MYO3B: variants seen among roughly 807,000 people sequenced by gnomAD.
The protein encoded by MYO3B is myosin IIIB, also known as myosin-IIIb.
MYO3B carries 156 observed loss-of-function variants against 174.6 expected under a neutral mutation model. The observed-to-expected ratio is 0.89, with a 90% CI of 0.78 to 1.02. The LOEUF (loss-of-function observed/expected upper bound fraction) is 1.02, where lower values mean the gene tolerates loss of function less well. Among genes scored for constraint, MYO3B ranks in the 50% least tolerant of loss-of-function variants. The pLI, the probability that MYO3B is intolerant of heterozygous loss-of-function variation, is 0.00. For missense variants in MYO3B, 1,632 were observed against 1,639.4 expected, an observed-to-expected ratio of 1.00 and a Z score of 0.08; for synonymous variants, 563 against 569.1, an observed-to-expected ratio of 0.99 and a Z score of 0.15.
chr2:170,290,888 C>T (rs1160660638), intron 7 of MYO3B, among the ~76,000 whole-genome samples: 1 of 150,842 alleles, frequency 6.6e-6, no homozygotes, highest in African/African-American at 2.4e-5. Context: ...AAAAAAAGAA[C>T]TTGTAGATAT....
chr2:170,316,465 G>T (rs190388220), intron 7 of MYO3B, among the ~76,000 whole-genome samples: 5 of 152,230 alleles, frequency 3.3e-5, no homozygotes, highest in African/African-American at 9.6e-5. Context: ...ATCTGAAAAG[G>T]TCATCTTATC....
At chr2:170,386,699 C>G (rs1383221410) in intron 13 of MYO3B, among the ~76,000 whole-genome samples, 1 of 152,080 alleles carries the variant, frequency 6.6e-6, no homozygotes, top group Non-Finnish European at 1.5e-5. Context: ...TTCAAATAGT[C>G]TAGTAGTTAC....
intron 6 of MYO3B, among the ~76,000 whole-genome samples, chr2:170,221,207 T>C (rs1343822764): frequency 3.9e-5 from 6 of 152,050 alleles, no homozygotes; most frequent in African/African-American, 1.4e-4. Flanking sequence ...AAGTGGTCTT[T>C]AGATTAAATA....
chr2:170,186,905 A>G lies in MYO3B; in HGVS notation c.2+8616A>G, dbSNP rs555274113. On this transcript the variant is annotated intron_variant, in intron 1 of 34. Coordinates refer to ENST00000408978, the MANE Select transcript of MYO3B (RefSeq NM_138995.5). ...TATTCTAGATTTTTCCAATTTATTG[A>G]TATATAGTTACTCATAGTAGCCACT... is the stretch of plus-strand genomic sequence containing the variant. 2.0e-5 allele frequency among the ~76,000 whole-genome samples: 3 copies of G among 151,716 alleles called. No individual in the cohort carries two copies. The South Asian group carries it at 6.2e-4, about 32-fold the overall frequency.
At chr2:170,365,985 T>G (rs933544986) in intron 8 of MYO3B, among the ~76,000 whole-genome samples, 3 of 152,090 alleles carry the variant, frequency 2.0e-5, no homozygotes, top group Non-Finnish European at 4.4e-5. Context: ...AGGCTCTTTG[T>G]TTTGCGTTAA....
intron 23 of MYO3B, 123 bp downstream of exon 23, chr2:170,444,169 G>A: frequency 1.5e-6 from 1 of 658,050 alleles, no homozygotes; most frequent in South Asian, 2.7e-5. Flanking sequence ...GTCTAGTAGA[G>A]AGATTAAAGG....
intron 22 of MYO3B, among the ~76,000 whole-genome samples, chr2:170,433,059 AGTCTCATTCATGTTAT>A (rs2105888918): frequency 6.6e-6 from 1 of 152,256 alleles, no homozygotes; most frequent in African/African-American, 2.4e-5. Flanking sequence ...AGTCCCTGCA[AGTCTCATTCATGTTAT>A]GTGCCCTATA....
At chr2:170,274,876 T>C (rs1279485950) in intron 7 of MYO3B, among the ~76,000 whole-genome samples, 1 of 152,212 alleles carries the variant, frequency 6.6e-6, no homozygotes, top group Non-Finnish European at 1.5e-5. Flanking sequence ...TTAACTTTTT[T>C]TGCATCATTT....
intron 32 of MYO3B, among the ~76,000 whole-genome samples, chr2:170,581,779 T>G (rs1203063624): frequency 6.6e-6 from 1 of 152,166 alleles, no homozygotes; most frequent in African/African-American, 2.4e-5. Context: ...TGATTTATTA[T>G]AAAAGCTAAT....
chr2:170,203,247 A>G (rs10177388), intron 3 of MYO3B, among the ~76,000 whole-genome samples: 152,143 of 152,332 alleles, frequency 1, 75,978 homozygotes, highest in Middle Eastern at 1. Context: ...TGGTAGCTAA[A>G]GCATGAACTA....
intron 7 of MYO3B, among the ~76,000 whole-genome samples, chr2:170,267,007 A>C (rs573238328): frequency 6.6e-6 from 1 of 152,362 alleles, no homozygotes; most frequent in Non-Finnish European, 1.5e-5. Context: ...TAACATCTTG[A>C]TACACATTTT....
chr2:170,301,116 T>C (rs2093662635), intron 7 of MYO3B, among the ~76,000 whole-genome samples: 1 of 152,212 alleles, frequency 6.6e-6, no homozygotes, highest in African/African-American at 2.4e-5. Context: ...GCAATGAGAA[T>C]AATTTCTTTG....
intron 32 of MYO3B, among the ~76,000 whole-genome samples, chr2:170,635,641 C>T (rs963705446): frequency 1.3e-5 from 2 of 152,054 alleles, no homozygotes; most frequent in Non-Finnish European, 2.9e-5. Flanking sequence ...TAACGATCCT[C>T]ACAGTGAGAT....
chr2:170,304,742 C>A (rs1574752318), intron 7 of MYO3B, among the ~76,000 whole-genome samples: 1 of 152,054 alleles, frequency 6.6e-6, no homozygotes, highest in East Asian at 1.9e-4. Flanking sequence ...ACTGGGATTA[C>A]GGACATGAGC....
At chr2:170,183,612 G>A (rs572469157) in intron 1 of MYO3B, among the ~76,000 whole-genome samples, 1 of 152,064 alleles carries the variant, frequency 6.6e-6, no homozygotes, top group African/African-American at 2.4e-5. Flanking sequence ...GATTTTCCAG[G>A]AATAAATCAT....
At chr2:170,475,162 G>A (rs1352759827) in intron 25 of MYO3B, among the ~76,000 whole-genome samples, 1 of 152,146 alleles carries the variant, frequency 6.6e-6, no homozygotes, top group Non-Finnish European at 1.5e-5. Context: ...TCTCACCCAT[G>A]ATGTTCTTGT....
intron 16 of MYO3B, among the ~76,000 whole-genome samples, chr2:170,396,184 G>C (rs1406041304): frequency 2.0e-5 from 3 of 152,210 alleles, no homozygotes; most frequent in Admixed American, 2.0e-4. Flanking sequence ...CAGCAGCGTA[G>C]CAAGATTCTG....
rs926685546 is a variant in MYO3B, at chr2:170,466,617, C to T, written c.2920C>T (p.Leu974=). 1.2e-5 allele frequency: 20 copies of T among 1,614,104 alleles called. No individual in the cohort carries two copies. The highest frequency in any genetic ancestry group is 1.7e-5 in the Non-Finnish European group (20 of 1,180,050). ...EALQFSRERV[L]AQLRSTGILE... ...CCTGCAGTTCTCTCGAGAGAGGGTG[C>T]TGGCCCAGCTCCGCTCCACAGGGAT... Residue 974 remains leucine (L), a synonymous_variant, in exon 25 of 35, where the codon CTG becomes TTG. Transcript: ENST00000408978.
chr2:170,321,940 C>A (rs2093829953), intron 7 of MYO3B, among the ~76,000 whole-genome samples: 1 of 151,800 alleles, frequency 6.6e-6, no homozygotes, highest in Admixed American at 6.6e-5. Flanking sequence ...ACGGTGAAAC[C>A]CCGTATCTAC....
Sources: allele counts gnomAD v4.1 joint callset (sites outside exome capture counted in the v4.1 genomes callset), GRCh38; gene constraint gnomAD v4.1.1; transcripts MANE v1.5; gene names NCBI Gene and HGNC (gene_info 2026-07-23, HGNC 2026-07-21).